Variants in ZNF282 observed in about 807,000 individuals in gnomAD.
The protein encoded by ZNF282 is HTLV-I U5 repressive element-binding protein 1.
In ZNF282, 30 loss-of-function variants were observed where a neutral mutation model predicts 61.9. The ratio of observed to expected loss-of-function variants is 0.48; its 90% CI spans 0.36 to 0.66. The LOEUF (loss-of-function observed/expected upper bound fraction) is 0.66, where lower values mean the gene tolerates loss of function less well. Among genes scored for constraint, ZNF282 ranks in the 30% least tolerant of loss-of-function variants. ZNF282 has a pLI of 0.00. For synonymous variants in ZNF282, 396 were observed against 405.0 expected (o/e 0.98, Z 0.27); for missense variants, 788 against 941.4 (o/e 0.84, Z 2.13).
chr7:149,223,396 C>T (rs1193311934), intron 7 of ZNF282, among the ~76,000 whole-genome samples: 1 of 152,104 alleles, frequency 6.6e-6, no homozygotes, highest in East Asian at 1.9e-4. Context: ...TGCAGTGAGC[C>T]ATGATCTCAC....
At chr7:149,202,549 C>T (rs1188681205) in intron 2 of ZNF282, among the ~76,000 whole-genome samples, 1 of 152,004 alleles carries the variant, frequency 6.6e-6, no homozygotes, top group Non-Finnish European at 1.5e-5. Context: ...CTCCTGACCT[C>T]GTGATCTGCC....
At chr7:149,206,901 G>A (rs1585564942) in intron 3 of ZNF282, 79 bp downstream of exon 3, 4 of 1,542,502 alleles carry the variant, frequency 2.6e-6, no homozygotes, top group East Asian at 4.5e-5. Flanking sequence ...CGTTAGCACC[G>A]CCTAGGCAGG....
intron 7 of ZNF282, among the ~76,000 whole-genome samples, chr7:149,216,706 A>G (rs1178841079): frequency 6.6e-6 from 1 of 152,106 alleles, no homozygotes; most frequent in African/African-American, 2.4e-5. Flanking sequence ...GATGGAGGGG[A>G]GAAGAGTCAG....
At chr7:149,196,624 G>C (rs532902287) in intron 1 of ZNF282, among the ~76,000 whole-genome samples, 1 of 152,280 alleles carries the variant, frequency 6.6e-6, no homozygotes, top group African/African-American at 2.4e-5. Flanking sequence ...GAGGGAGCCA[G>C]GGGCTGCTGT....
rs1156406906 is a variant in ZNF282, at chr7:149,195,709, G to C, written c.120G>C (p.Glu40Asp). The change falls in exon 1 of 8, where the codon GAG (glutamate) becomes GAC (aspartate). Residue 40 changes from glutamate to aspartate, a missense_variant. Physicochemically the swap from Glu to Asp is conservative, Grantham distance 45. Coordinates refer to ENST00000610704, the MANE Select transcript of ZNF282 (RefSeq NM_003575.4). ...CCCCGGAGGAGGTCTGCCACCAGGA[G>C]CCGGCGCTGCGCGGGGAAATGGCCG... ...ALPPEEVCHQ[E>D]PALRGEMAEG... 2 of 1,553,754 alleles carry C rather than the reference G, an allele frequency of 1.3e-6. No individual in the cohort carries two copies. The highest frequency in any genetic ancestry group is 1.4e-5 in the African/African-American group (1 of 71,544).
chr7:149,198,360 C>A lies in ZNF282; in HGVS notation c.193C>A (p.Arg65=). Residue 65 remains arginine (R), a synonymous_variant, in exon 2 of 8, where the codon CGG becomes AGG. Coordinates refer to ENST00000610704, the MANE Select transcript of ZNF282 (RefSeq NM_003575.4). This position sits in a 1 kb window ranked among gnomAD's most constrained non-coding sequence, Gnocchi z 4.3. Reference sequence around the variant, plus strand: ...TCAAGAATGGGACATGGACGCCCGGCGGCCAATGCCTTTTCAGTTCCCACC... The same window carrying A: ...TCAAGAATGGGACATGGACGCCCGGAGGCCAATGCCTTTTCAGTTCCCACC... ...QAQEWDMDAR[R]PMPFQFPPFP... 2.5e-6 allele frequency: 4 copies of A among 1,611,884 alleles called. No homozygotes were observed. Among genetic ancestry groups the A allele is most frequent in the Non-Finnish European group, 3.4e-6 (4 of 1,178,582 alleles).
Position 149,224,667 on chromosome 7 carries a change from A to T in ZNF282, c.*20A>T. 6.7e-7 allele frequency: 1 copy of T among 1,481,570 alleles called. No individual in the cohort carries two copies. Among genetic ancestry groups the T allele is most frequent in the Middle Eastern group, 1.9e-4 (1 of 5,342 alleles). 91.8% of individuals were successfully genotyped at this position (1,481,570 alleles called of 1,614,324 possible). ...GACTAGGGCTGGGCTGGGGGAGGGC[A>T]GGGCCGGACGGAGTGGATCGGGGGC... On this transcript the variant is annotated 3_prime_UTR_variant, in exon 8 of 8. Coordinates refer to ENST00000610704, the MANE Select transcript of ZNF282 (RefSeq NM_003575.4).
In ZNF282 at chr7:149,213,926, G is replaced by A. The variant is rs1002520534; in HGVS notation, c.1180+112G>A. 4.7e-5 allele frequency: 32 copies of A among 683,088 alleles called. No individual in the cohort carries two copies. The South Asian group carries it at 5.9e-4, about 13-fold the overall frequency. 42.3% of individuals were successfully genotyped at this position (683,088 alleles called of 1,614,324 possible). A position where few individuals can be genotyped will look rare whatever the true frequency, so the allele number is the denominator to read the frequency against. ...CTCACCCCTCGTAGGGTGATGTTCT[G>A]TTGATGGCAGCGTTTCAAAGTTCTG... On this transcript the variant is annotated intron_variant, in intron 7 of 7. Coordinates refer to ENST00000610704, the MANE Select transcript of ZNF282 (RefSeq NM_003575.4).
chr7:149,211,404 G>A (rs1471846770), intron 5 of ZNF282, among the ~76,000 whole-genome samples: 1 of 152,168 alleles, frequency 6.6e-6, no homozygotes, highest in African/African-American at 2.4e-5. Flanking sequence ...GAGCCTGCAG[G>A]CAGAATTCCC....
At chr7:149,208,784 C>A (rs922393755) in intron 4 of ZNF282, among the ~76,000 whole-genome samples, 1 of 150,716 alleles carries the variant, frequency 6.6e-6, no homozygotes, top group Non-Finnish European at 1.5e-5. Context: ...TTTGGGAGGC[C>A]GAGGTGGGCG....
chr7:149,221,022 T>TGCG lies in ZNF282; in HGVS notation c.1181-2790_1181-2789insGCG, dbSNP rs1462709518. ...GCAGCCTCGACCTCTCAGGTTTAAATAATCCTCTCGCATCAGTCTTCTGAG... is the reference window on the plus strand; with the variant it reads ...GCAGCCTCGACCTCTCAGGTTTAAATGCGAATCCTCTCGCATCAGTCTTCTGAG... On this transcript the variant is annotated intron_variant, in intron 7 of 7. Coordinates refer to ENST00000610704, the MANE Select transcript of ZNF282 (RefSeq NM_003575.4). Among the ~76,000 whole-genome samples the TGCG allele has an allele frequency of 3.3e-5, 5 of 150,950 alleles. No individual in the cohort carries two copies. The East Asian group carries it at 9.8e-4, about 29-fold the overall frequency.
chr7:149,216,344 C>T (rs1381692081), intron 7 of ZNF282, among the ~76,000 whole-genome samples: 2 of 152,212 alleles, frequency 1.3e-5, no homozygotes, highest in Non-Finnish European at 2.9e-5. Context: ...AAGCAATCCT[C>T]CCACCTGGGC....
intron 7 of ZNF282, among the ~76,000 whole-genome samples, chr7:149,215,233 C>T (rs993789888): frequency 3.2e-5 from 4 of 123,954 alleles, no homozygotes; most frequent in Admixed American, 1.1e-4. Flanking sequence ...GACAGAGTCT[C>T]ACTCTGCCGC....
At chr7:149,206,492 G>C in intron 2 of ZNF282, 1 of 689,156 alleles carries the variant, frequency 1.5e-6, no homozygotes, top group East Asian at 2.6e-5. Context: ...TAAAAAGGCA[G>C]GGTTGACCAT....
intron 2 of ZNF282, among the ~76,000 whole-genome samples, chr7:149,204,175 C>T (rs971797407): frequency 6.6e-6 from 1 of 152,146 alleles, no homozygotes; most frequent in Non-Finnish European, 1.5e-5. Flanking sequence ...GTAAAAAAGA[C>T]ACGTGCCAGA....
intron 1 of ZNF282, among the ~76,000 whole-genome samples, 189 bp downstream of exon 1, chr7:149,195,943 C>A (rs1795809157): frequency 6.7e-6 from 1 of 149,072 alleles, no homozygotes; most frequent in South Asian, 2.1e-4. Context: ...GGGCCCGACG[C>A]AGGCCCGGAA....
chr7:149,213,691 A>G lies in ZNF282; in HGVS notation c.1067-10A>G. 3 of 1,607,376 alleles carry G rather than the reference A, an allele frequency of 1.9e-6. No individual in the cohort carries two copies. The highest frequency in any genetic ancestry group is 2.6e-6 in the Non-Finnish European group (3 of 1,174,698). ...CAAAATCTAAGACTGCCTTCTTTCC[A>G]TGACAACAGAGTCTCTCATCTCAGC... is the stretch of plus-strand genomic sequence containing the variant. On this transcript the variant is annotated splice_polypyrimidine_tract_variant and intron_variant, in intron 6 of 7. Coordinates refer to ENST00000610704, the MANE Select transcript of ZNF282 (RefSeq NM_003575.4).
chr7:149,203,108 T>G (rs1795939253), intron 2 of ZNF282, among the ~76,000 whole-genome samples: 1 of 152,190 alleles, frequency 6.6e-6, no homozygotes, highest in South Asian at 2.1e-4. Context: ...GAGGCTGGTT[T>G]TTAGTATGGT....
chr7:149,213,628 G>T, intron 6 of ZNF282, 73 bp from the exon 7 acceptor site: 1 of 1,190,750 alleles, frequency 8.4e-7, no homozygotes, highest in Non-Finnish European at 1.2e-6. Flanking sequence ...GCATGGGATG[G>T]TTTTCAAACC....
Sources: allele counts gnomAD v4.1 joint callset (sites outside exome capture counted in the v4.1 genomes callset), GRCh38; gene constraint gnomAD v4.1.1; non-coding constraint Gnocchi (gnomAD v3.1); transcripts MANE v1.5; gene names NCBI Gene and HGNC (gene_info 2026-07-23, HGNC 2026-07-21).